The following WDR49 variants were observed in gnomAD, a reference collection of about 807,000 sequenced individuals.
WDR49 encodes the protein WD repeat domain 49, also known as cilia- and flagella-associated protein 337.
WDR49 carries 107 observed loss-of-function variants against 119.5 expected under a neutral mutation model. The ratio of observed to expected loss-of-function variants is 0.90; its 90% confidence interval spans 0.77 to 1.05. The LOEUF (loss-of-function observed/expected upper bound fraction) is 1.05, where lower values mean the gene tolerates loss of function less well. Among genes scored for constraint, WDR49 ranks in the 50% least tolerant of loss-of-function variants. WDR49 has a pLI of 0.00. For synonymous variants in WDR49, 425 were observed against 418.8 expected, an observed-to-expected ratio of 1.01 and a Z score of -0.18; for missense variants, 1,240 against 1,220.5, an observed-to-expected ratio of 1.02 and a Z score of -0.24.
intron 18 of WDR49, among the ~76,000 whole-genome samples, chr3:167,495,567 C>T (rs1751322649): frequency 6.6e-6 from 1 of 151,390 alleles, no homozygotes; most frequent in African/African-American, 2.4e-5. Flanking sequence ...ATTAAACAGT[C>T]TAACATATGT....
intron 5 of WDR49, among the ~76,000 whole-genome samples, chr3:167,610,745 G>C (rs969627119): frequency 6.6e-6 from 1 of 152,200 alleles, no homozygotes; most frequent in Non-Finnish European, 1.5e-5. Context: ...ACCCAGTGCT[G>C]TGCTGGCTTC....
intron 17 of WDR49, among the ~76,000 whole-genome samples, chr3:167,504,637 G>A (rs944157553): frequency 6.6e-6 from 1 of 152,184 alleles, no homozygotes; most frequent in African/African-American, 2.4e-5. Flanking sequence ...TTAAGACTTT[G>A]GAGGACTATT....
intron 7 of WDR49, among the ~76,000 whole-genome samples, chr3:167,599,471 C>T (rs1393236037): frequency 6.6e-6 from 1 of 152,122 alleles, no homozygotes; most frequent in Non-Finnish European, 1.5e-5. Context: ...TGAGACTCAC[C>T]CTTCAGGGCA....
At chr3:167,603,029 T>C (rs1226535616) in intron 6 of WDR49, among the ~76,000 whole-genome samples, 2 of 152,156 alleles carry the variant, frequency 1.3e-5, no homozygotes, top group Non-Finnish European at 2.9e-5. Flanking sequence ...CACCTAATGA[T>C]GCCTTTCTAT....
intron 17 of WDR49, among the ~76,000 whole-genome samples, chr3:167,503,158 A>G (rs1751639491): frequency 6.6e-6 from 1 of 152,224 alleles, no homozygotes; most frequent in Non-Finnish European, 1.5e-5. Flanking sequence ...TGTAAGCCAT[A>G]GCTTTGGTGG....
At chr3:167,586,232 C>G (rs1167210558) in intron 7 of WDR49, among the ~76,000 whole-genome samples, 1 of 150,982 alleles carries the variant, frequency 6.6e-6, no homozygotes, top group African/African-American at 2.5e-5. Flanking sequence ...ATTAGGCCCA[C>G]AGGCTGAATG....
chr3:167,624,326 CA>C (rs1236697046), intron 3 of WDR49, among the ~76,000 whole-genome samples: 1 of 145,910 alleles, frequency 6.9e-6, no homozygotes, highest in African/African-American at 2.6e-5. Flanking sequence ...GGATAATTCT[CA>C]AAATAGTTAT....
intron 5 of WDR49, 27 bp from the exon 6 acceptor site, chr3:167,604,495 C>A: frequency 6.4e-7 from 1 of 1,551,780 alleles, no homozygotes; most frequent in African/African-American, 1.4e-5. Context: ...AAGAGAAAAA[C>A]AATCTTTAGT....
chr3:167,557,568 T>C (rs984679221), intron 9 of WDR49, among the ~76,000 whole-genome samples: 1 of 152,036 alleles, frequency 6.6e-6, no homozygotes, highest in Non-Finnish European at 1.5e-5. Flanking sequence ...CCTTAACTCC[T>C]TGGGCTTCAG....
chr3:167,518,659 A>G (rs960759737), intron 16 of WDR49, among the ~76,000 whole-genome samples: 280 of 151,774 alleles, frequency 1.8e-3, no homozygotes, highest in African/African-American at 6.6e-3. Context: ...AGTAGGTTGC[A>G]AAAATTTTCT....
intron 8 of WDR49, among the ~76,000 whole-genome samples, chr3:167,573,082 C>T (rs920824148): frequency 6.6e-6 from 1 of 152,022 alleles, no homozygotes; most frequent in African/African-American, 2.4e-5. Context: ...CAACATTCGC[C>T]CTCTTTGGTA....
At chr3:167,551,748 T>G (rs1256269553) in intron 10 of WDR49, among the ~76,000 whole-genome samples, 1 of 151,942 alleles carries the variant, frequency 6.6e-6, no homozygotes, top group African/African-American at 2.4e-5. Flanking sequence ...AATGTGACTG[T>G]GAGTAATTAA....
chr3:167,573,273 A>T (rs552466104), intron 8 of WDR49, among the ~76,000 whole-genome samples: 10 of 152,256 alleles, frequency 6.6e-5, no homozygotes, highest in Middle Eastern at 6.8e-3. Flanking sequence ...CAGGCTAAGC[A>T]GTCTGTCCAG....
chr3:167,656,995 C>T (rs1355137465), upstream of WDR49, among the ~76,000 whole-genome samples: 2 of 152,180 alleles, frequency 1.3e-5, no homozygotes, highest in African/African-American at 4.8e-5. Context: ...GCCTTTGACA[C>T]TTTGGGACTG....
chr3:167,530,839 T>C (rs1752824611), intron 13 of WDR49, among the ~76,000 whole-genome samples: 1 of 152,150 alleles, frequency 6.6e-6, no homozygotes, highest in Non-Finnish European at 1.5e-5. Context: ...CAATTCTGAT[T>C]GTTGCCCGTA....
At chr3:167,570,435 T>G (rs962852713) in intron 8 of WDR49, among the ~76,000 whole-genome samples, 2 of 152,238 alleles carry the variant, frequency 1.3e-5, no homozygotes, top group Non-Finnish European at 2.9e-5. Flanking sequence ...GAGAAAATTA[T>G]ACCTCATCCC....
chr3:167,527,883 G>A lies in WDR49; in HGVS notation c.2541C>T (p.Ser847=), dbSNP rs754990611. The change falls in exon 15 of 19, where the codon TCC becomes TCT. Residue 847 remains serine (S), a synonymous_variant. Coordinates refer to ENST00000682715, the MANE Select transcript of WDR49 (RefSeq NM_001366157.1). The stretch of plus-strand genomic sequence containing the variant: ...TCACACAAATACTGCAGTCTGCAGA[G>A]GAGGAGATAATCAGTAACTGACCAC... ...EPGGQLLIIS[S]SADCSICVTG... 6.2e-7 allele frequency: 1 copy of A among 1,613,236 alleles called. No individual in the cohort carries two copies.
intron 8 of WDR49, among the ~76,000 whole-genome samples, chr3:167,565,317 G>T (rs1472699761): frequency 2.0e-5 from 3 of 149,614 alleles, no homozygotes; most frequent in East Asian, 3.9e-4. Context: ...AATAAGTTCT[G>T]CTCTTGCATT....
At position 167,627,106 on chromosome 3, in the gene WDR49, C is replaced by A; in HGVS notation, c.352G>T (p.Asp118Tyr). 1 of 1,275,004 alleles carries A rather than the reference C, an allele frequency of 7.8e-7. No homozygotes were observed. The highest frequency in any genetic ancestry group is 9.9e-7 in the Non-Finnish European group (1 of 1,010,378). The allele number at this position is 1,275,004 out of a possible 1,614,324, so 79.0% of individuals were successfully genotyped here. Reference sequence around the variant, plus strand: ...ACCACAGTTGCCTTTGCTCGTTCATCTTGCTCATAAAGCTCTAGCAGTATA... The same window carrying A: ...ACCACAGTTGCCTTTGCTCGTTCATATTGCTCATAAAGCTCTAGCAGTATA... ...SFILLELYEQ[D>Y]ERAKATVVPQ... The change falls in exon 3 of 19, where the codon GAT (aspartate) becomes TAT (tyrosine). Residue 118 changes from aspartate (D) to tyrosine (Y), a missense_variant. Asp to Tyr is a radical substitution (Grantham distance 160). Coordinates refer to ENST00000682715, the MANE Select transcript of WDR49 (RefSeq NM_001366157.1).
Sources: allele counts gnomAD v4.1 joint callset (sites outside exome capture counted in the v4.1 genomes callset), GRCh38; gene constraint gnomAD v4.1.1; transcripts MANE v1.5; gene names NCBI Gene and HGNC (gene_info 2026-07-23, HGNC 2026-07-21).